SLC25A12: variants seen among roughly 807,000 people sequenced by gnomAD.
SLC25A12 encodes solute carrier family 25 member 12.
A neutral mutation model predicts 83.3 loss-of-function variants in SLC25A12; 32 were observed. That is an observed-to-expected ratio of 0.38 (90% CI 0.29 to 0.52). The LOEUF (loss-of-function observed/expected upper bound fraction) is 0.52, where lower values mean the gene tolerates loss of function less well. SLC25A12 is among the 20% of genes least tolerant of loss of function. The pLI is 0.84. For synonymous variants in SLC25A12, 267 were observed against 291.1 expected, an observed-to-expected ratio of 0.92 and a Z score of 0.84; for missense variants, 611 against 835.6, an observed-to-expected ratio of 0.73 and a Z score of 3.31.
At chr2:171,786,257 G>A (rs1829280) in intron 17 of SLC25A12, among the ~76,000 whole-genome samples, 10 of 151,356 alleles carry the variant, frequency 6.6e-5, no homozygotes, top group East Asian at 1.9e-4. Flanking sequence ...GGTGGTGGGC[G>A]CCCTTAGTCC....
intron 2 of SLC25A12, among the ~76,000 whole-genome samples, chr2:171,883,706 C>T (rs1335390496): frequency 1.3e-5 from 2 of 152,324 alleles, no homozygotes; most frequent in East Asian, 3.9e-4. Context: ...CACCCTCATT[C>T]CCTTTTAGTT....
At chr2:171,809,714 C>T in intron 12 of SLC25A12, 28 bp from the exon 13 acceptor site, 4 of 1,518,594 alleles carry the variant, frequency 2.6e-6, no homozygotes, top group Non-Finnish European at 3.7e-6. Flanking sequence ...ATCAGTTAAC[C>T]AAAATTCCCA....
At chr2:171,876,163 C>T (rs1685565591) in intron 2 of SLC25A12, among the ~76,000 whole-genome samples, 2 of 152,202 alleles carry the variant, frequency 1.3e-5, no homozygotes, top group Admixed American at 1.3e-4. Context: ...GCCAAAGAAC[C>T]ACTTACCCTG....
intron 2 of SLC25A12, among the ~76,000 whole-genome samples, chr2:171,892,259 C>G (rs1685955763): frequency 6.7e-6 from 1 of 148,382 alleles, no homozygotes; most frequent in African/African-American, 2.5e-5. Context: ...GACAGTGTCT[C>G]TCTGTCCCCA....
At chr2:171,815,776 G>A (rs1187661788) in intron 9 of SLC25A12, among the ~76,000 whole-genome samples, 1 of 151,952 alleles carries the variant, frequency 6.6e-6, no homozygotes, top group Non-Finnish European at 1.5e-5. Context: ...CATAAAGAAA[G>A]GATCTAAGAT....
chr2:171,787,968 T>A (rs1690519554), intron 15 of SLC25A12, 21 bp from the exon 16 acceptor site: 2 of 1,613,476 alleles, frequency 1.2e-6, no homozygotes, highest in Non-Finnish European at 1.7e-6. Context: ...AAAACCACAT[T>A]TAATTTATCT....
chr2:171,831,851 A>C (rs894205950), intron 8 of SLC25A12, among the ~76,000 whole-genome samples: 7 of 151,730 alleles, frequency 4.6e-5, no homozygotes, highest in African/African-American at 1.7e-4. Context: ...GTGGGCTGAG[A>C]TCATGCCACT....
chr2:171,887,170 TTAAAAA>T (rs1394953884), intron 2 of SLC25A12, among the ~76,000 whole-genome samples: 1 of 152,206 alleles, frequency 6.6e-6, no homozygotes, highest in African/African-American at 2.4e-5. Flanking sequence ...TATCTTTCTA[TTAAAAA>T]TAAATGTTAT....
chr2:171,877,652 A>C (rs1038669866), intron 2 of SLC25A12, among the ~76,000 whole-genome samples: 22 of 149,384 alleles, frequency 1.5e-4, no homozygotes, highest in Middle Eastern at 3.4e-3. Flanking sequence ...CTGGGCGACC[A>C]GAAGAAGACT....
At chr2:171,860,477 C>T (rs1007146181) in intron 3 of SLC25A12, among the ~76,000 whole-genome samples, 1 of 152,076 alleles carries the variant, frequency 6.6e-6, no homozygotes, top group African/African-American at 2.4e-5. Flanking sequence ...TGGCACATGC[C>T]TGTAATCCCA....
intron 4 of SLC25A12, among the ~76,000 whole-genome samples, chr2:171,847,427 C>T (rs1684822154): frequency 6.6e-6 from 1 of 152,148 alleles, no homozygotes; most frequent in South Asian, 2.1e-4. Flanking sequence ...ACTCAAACAG[C>T]TGGTGTTTTT....
intron 9 of SLC25A12, among the ~76,000 whole-genome samples, chr2:171,816,853 T>C (rs572012606): frequency 5.3e-5 from 8 of 152,348 alleles, no homozygotes; most frequent in Admixed American, 3.3e-4. Context: ...ATTCAAGTTA[T>C]GGCATTGCTA....
chr2:171,864,605 G>A (rs911116713), intron 3 of SLC25A12, among the ~76,000 whole-genome samples: 5 of 152,118 alleles, frequency 3.3e-5, no homozygotes, highest in African/African-American at 4.8e-5. Flanking sequence ...GAGCACATGC[G>A]CACGCACACA....
intron 2 of SLC25A12, among the ~76,000 whole-genome samples, chr2:171,874,184 C>A (rs533038032): frequency 6.6e-6 from 1 of 152,216 alleles, no homozygotes; most frequent in Non-Finnish European, 1.5e-5. Flanking sequence ...CGAGATCGCA[C>A]CATTACACTC....
At chr2:171,844,531 A>G (rs1033932242) in intron 4 of SLC25A12, 23 bp from the exon 5 acceptor site, 1 of 1,469,162 alleles carries the variant, frequency 6.8e-7, no homozygotes, top group East Asian at 2.3e-5. Context: ...AACAAAAATA[A>G]ATCAATTATA....
intron 2 of SLC25A12, among the ~76,000 whole-genome samples, chr2:171,890,691 C>T (rs1318397577): frequency 6.6e-6 from 1 of 152,138 alleles, no homozygotes; most frequent in East Asian, 1.9e-4. Context: ...CTATATTGCT[C>T]AGGTTGGTCT....
At position 171,893,230 on chromosome 2, in the gene SLC25A12, T is replaced by A; in HGVS notation, c.41A>T (p.His14Leu). 6.2e-7 allele frequency: 1 copy of A among 1,614,130 alleles called. No individual in the cohort carries two copies. The highest frequency in any genetic ancestry group is 8.5e-7 in the Non-Finnish European group (1 of 1,180,030). Residue 14 changes from histidine (H) to leucine (L), a missense_variant, in exon 2 of 18, where the codon CAT becomes CTT. His to Leu is a moderately conservative substitution (Grantham distance 99). Transcript: ENST00000422440. Reference sequence around the variant, plus strand: ...CTGTAGAAATATGTTTCTTAACTCATGAGGATCCCCTCGCTTAGTTGTCTG... The same window carrying A: ...CTGTAGAAATATGTTTCTTAACTCAAGAGGATCCCCTCGCTTAGTTGTCTG... ...KVQTTKRGDP[H>L]ELRNIFLQYA...
intron 2 of SLC25A12, among the ~76,000 whole-genome samples, chr2:171,874,381 G>T (rs571343125): frequency 6.6e-6 from 1 of 152,166 alleles, no homozygotes; most frequent in Non-Finnish European, 1.5e-5. Context: ...GACAAGAGCA[G>T]AACTCCATCT....
At chr2:171,860,069 T>C (rs1399191144) in intron 3 of SLC25A12, among the ~76,000 whole-genome samples, 1 of 152,118 alleles carries the variant, frequency 6.6e-6, no homozygotes, top group Non-Finnish European at 1.5e-5. Context: ...GCGCCTGGCC[T>C]TGGATATGAT....
Sources: gnomAD v4.1 joint callset for allele counts (sites outside exome capture counted in the v4.1 genomes callset) on GRCh38, gnomAD v4.1.1 for gene constraint, MANE v1.5 for transcripts, NCBI Gene and HGNC (gene_info 2026-07-23, HGNC 2026-07-21) for gene names.